PLXDC2: variants seen among roughly 807,000 people sequenced by gnomAD.
The protein encoded by PLXDC2 is plexin domain containing 2, also known as plexin domain-containing protein 2.
PLXDC2 carries 40 observed loss-of-function variants against 68.9 expected under a neutral mutation model. That is an observed-to-expected ratio of 0.58 (90% CI 0.45 to 0.76). The LOEUF is 0.76. PLXDC2 is among the 30% of genes least tolerant of loss of function. The probability of loss-of-function intolerance (pLI) is 0.00; values close to 1 mark genes in which losing one functional copy is unlikely to be tolerated. For missense variants in PLXDC2, 644 were observed against 661.9 expected (o/e 0.97, Z 0.30); for synonymous variants, 243 against 234.2 (o/e 1.04, Z -0.34).
At chr10:20,031,977 G>A (rs536370056) in intron 2 of PLXDC2, among the ~76,000 whole-genome samples, 2 of 152,030 alleles carry the variant, frequency 1.3e-5, no homozygotes, top group South Asian at 2.1e-4. Context: ...GTGCTACCAC[G>A]TCCAGCTAAT....
chr10:19,988,392 CT>C (rs1834684908), intron 1 of PLXDC2, among the ~76,000 whole-genome samples: 1 of 152,006 alleles, frequency 6.6e-6, no homozygotes, highest in Non-Finnish European at 1.5e-5. Flanking sequence ...GAAATTATAT[CT>C]TACCTTCACT....
chr10:19,979,518 A>C (rs10827915), intron 1 of PLXDC2, among the ~76,000 whole-genome samples: 2 of 150,720 alleles, frequency 1.3e-5, no homozygotes, highest in Non-Finnish European at 3.0e-5. Context: ...GATTGCAGGC[A>C]CCCACGACCA....
At chr10:19,894,184 A>T (rs1838015314) in intron 1 of PLXDC2, among the ~76,000 whole-genome samples, 1 of 152,218 alleles carries the variant, frequency 6.6e-6, no homozygotes, top group Admixed American at 6.5e-5. Context: ...AAATTTCTGC[A>T]GTGTCCCTGA....
intron 9 of PLXDC2, among the ~76,000 whole-genome samples, chr10:20,187,781 G>A (rs998314242): frequency 6.6e-6 from 1 of 151,596 alleles, no homozygotes; most frequent in African/African-American, 2.4e-5. Flanking sequence ...AATCAGAATC[G>A]ATCTCGATGA....
At chr10:20,073,613 T>G (rs1336424785) in intron 4 of PLXDC2, among the ~76,000 whole-genome samples, 1 of 152,202 alleles carries the variant, frequency 6.6e-6, no homozygotes, top group Non-Finnish European at 1.5e-5. Context: ...ATATCATCTT[T>G]ATTTTCTGGT....
chr10:19,838,522 G>A (rs1836841097), intron 1 of PLXDC2, among the ~76,000 whole-genome samples: 1 of 152,178 alleles, frequency 6.6e-6, no homozygotes, highest in Non-Finnish European at 1.5e-5. Flanking sequence ...TTAAATTTAT[G>A]AAGGTGTTGA....
intron 1 of PLXDC2, among the ~76,000 whole-genome samples, chr10:19,940,151 A>G (rs1402219862): frequency 6.6e-6 from 1 of 150,938 alleles, no homozygotes; most frequent in Non-Finnish European, 1.5e-5. Flanking sequence ...AATGGAAGGT[A>G]GAGAAATAAC....
chr10:19,965,280 GCAGA>G (rs1025638886), intron 1 of PLXDC2, among the ~76,000 whole-genome samples: 1 of 152,096 alleles, frequency 6.6e-6, no homozygotes, highest in African/African-American at 2.4e-5. Flanking sequence ...GAGTTTCAAG[GCAGA>G]CTGCAAACAC....
intron 1 of PLXDC2, among the ~76,000 whole-genome samples, chr10:19,873,462 G>A (rs1387109210): frequency 7.4e-6 from 1 of 134,390 alleles, no homozygotes; most frequent in Non-Finnish European, 1.5e-5. Flanking sequence ...CCAGGCTGTA[G>A]TGCAGTGGCA....
intron 6 of PLXDC2, among the ~76,000 whole-genome samples, chr10:20,148,318 A>G (rs973913934): frequency 6.6e-6 from 1 of 151,610 alleles, no homozygotes; most frequent in Non-Finnish European, 1.5e-5. Flanking sequence ...TTCTAATTTC[A>G]AAAGCATTTA....
intron 4 of PLXDC2, among the ~76,000 whole-genome samples, chr10:20,105,000 G>A (rs906704252): frequency 3.0e-5 from 4 of 134,812 alleles, no homozygotes; most frequent in East Asian, 2.3e-4. Flanking sequence ...GCAGTGAGCC[G>A]AGATCACACC....
At chr10:20,245,233 AG>A in intron 12 of PLXDC2, 111 bp from the exon 13 acceptor site, 1 of 1,189,184 alleles carries the variant, frequency 8.4e-7, no homozygotes, top group Non-Finnish European at 1.1e-6. Context: ...AAAGTTGTCC[AG>A]GAAGTAAAGA....
chr10:20,076,505 T>C (rs77073517), intron 4 of PLXDC2, among the ~76,000 whole-genome samples: 2,501 of 152,320 alleles, frequency 0.016, 65 homozygotes, highest in African/African-American at 0.057. Context: ...TGATACCTGT[T>C]TCATAGAAAA....
intron 1 of PLXDC2, among the ~76,000 whole-genome samples, chr10:19,981,084 G>C (rs1344500171): frequency 1.3e-5 from 2 of 152,124 alleles, no homozygotes; most frequent in African/African-American, 2.4e-5. Flanking sequence ...TTGTTTCTCA[G>C]CTGTTTGACA....
intron 1 of PLXDC2, among the ~76,000 whole-genome samples, chr10:19,985,136 C>T (rs1019736405): frequency 6.6e-6 from 1 of 152,218 alleles, no homozygotes; most frequent in African/African-American, 2.4e-5. Flanking sequence ...CAGGGCGATA[C>T]ATGCATTGCA....
intron 1 of PLXDC2, among the ~76,000 whole-genome samples, chr10:19,938,096 C>T (rs1017773949): frequency 1.3e-5 from 2 of 152,068 alleles, no homozygotes; most frequent in Non-Finnish European, 2.9e-5. Context: ...GCACTATGTC[C>T]ATAGGCACAA....
At chr10:20,085,755 A>G (rs4333913) in intron 4 of PLXDC2, among the ~76,000 whole-genome samples, 14,123 of 152,144 alleles carry the variant, frequency 0.093, 1,507 homozygotes, top group African/African-American at 0.26. Context: ...CTCCCTCAAG[A>G]TGATTCTCTT....
At chr10:19,966,953 C>T (rs1206714948) in intron 1 of PLXDC2, among the ~76,000 whole-genome samples, 1 of 152,210 alleles carries the variant, frequency 6.6e-6, no homozygotes, top group Non-Finnish European at 1.5e-5. Flanking sequence ...CAGCCACATT[C>T]CGGAGCTGTG....
intron 4 of PLXDC2, among the ~76,000 whole-genome samples, chr10:20,098,581 G>A (rs1833383056): frequency 6.6e-6 from 1 of 152,122 alleles, no homozygotes; most frequent in African/African-American, 2.4e-5. Context: ...TTTATGATGG[G>A]AGAGCATGGT....
Sources: gnomAD v4.1 joint callset for allele counts (sites outside exome capture counted in the v4.1 genomes callset) on GRCh38, gnomAD v4.1.1 for gene constraint, MANE v1.5 for transcripts, NCBI Gene and HGNC (gene_info 2026-07-23, HGNC 2026-07-21) for gene names.